TCF23: variants seen among roughly 807,000 people sequenced by gnomAD.
The protein encoded by TCF23 is transcription factor 23.
In TCF23, 7 loss-of-function variants were observed where a neutral mutation model predicts 13.0. That is an observed-to-expected ratio of 0.54 (90% confidence interval 0.31 to 1.01). The LOEUF is 1.01. TCF23 is among the 50% of genes least tolerant of loss of function. The pLI, the probability that TCF23 is intolerant of heterozygous loss-of-function variation, is 0.06. For synonymous variants in TCF23, 122 were observed against 119.5 expected (o/e 1.02, Z -0.14); for missense variants, 257 against 289.8 (o/e 0.89, Z 0.82).
At position 27,150,177 on chromosome 2, in the gene TCF23, C is replaced by A. The variant is rs1053368647; in HGVS notation, c.277C>A (p.Arg93Ser). The A allele has an allele frequency of 1.2e-6, 2 of 1,611,768 alleles. No individual in the cohort carries two copies. Among genetic ancestry groups the A allele is most frequent in the East Asian group, 2.2e-5 (1 of 44,862 alleles). ...GGAGCGGAGCCGGGTCAGGACGCTGCGCCAGGCCTTCTTGGCCTTGCAGGC... is the reference window on the plus strand; with the variant it reads ...GGAGCGGAGCCGGGTCAGGACGCTGAGCCAGGCCTTCTTGGCCTTGCAGGC... ...ARERSRVRTL[R>S]QAFLALQAAL... Residue 93 changes from arginine to serine, a missense_variant, in exon 2 of 3, where the codon CGC becomes AGC. By Grantham distance (110) the Arg-to-Ser change is moderately radical (BLOSUM62 -1). Transcript: ENST00000296096. The surrounding 1 kb of genome is among the most constrained non-coding windows in gnomAD (Gnocchi z 4.1).
Position 27,152,882 on chromosome 2 carries a change from C to T in TCF23, c.*15C>T. 6.2e-7 allele frequency: 1 copy of T among 1,609,796 alleles called. No homozygotes were observed. The highest frequency in any genetic ancestry group is 8.5e-7 in the Non-Finnish European group (1 of 1,177,342). On this transcript the variant is annotated 3_prime_UTR_variant, in exon 3 of 3. Coordinates refer to ENST00000296096, the MANE Select transcript of TCF23 (RefSeq NM_175769.3). Reference sequence around the variant, plus strand: ...GTGACAAATAATTATCACACTCGCCCTTTTCTCCTAGACTGTGACTCATGC... The same window carrying T: ...GTGACAAATAATTATCACACTCGCCTTTTTCTCCTAGACTGTGACTCATGC...
In TCF23 at chr2:27,155,755, G is replaced by GA. The variant is rs920974857; in HGVS notation, c.*2897dup. ...CCCATCTCGGGAAAAAAAAATGAAA[G>GA]AAAAAAAAAGAAAAGAAAAGAAATA... On this transcript the variant is annotated 3_prime_UTR_variant, in exon 3 of 3. Coordinates refer to ENST00000296096, the MANE Select transcript of TCF23 (RefSeq NM_175769.3). The GA allele has an allele frequency of 9.4e-5, 14 of 149,576 alleles. No homozygotes were observed. The highest frequency in any genetic ancestry group is 2.0e-4 in the East Asian group (1 of 5,094). The allele number at this position is 149,576 out of a possible 1,614,324, so 9.3% of individuals were successfully genotyped here. A position where few individuals can be genotyped will look rare whatever the true frequency, so the allele number is the denominator to read the frequency against.
rs1344330481 is a variant in TCF23, at chr2:27,154,074, T to A, written c.*1207T>A. On this transcript the variant is annotated 3_prime_UTR_variant, in exon 3 of 3. Coordinates refer to ENST00000296096, the MANE Select transcript of TCF23 (RefSeq NM_175769.3). Reference sequence around the variant, plus strand: ...TTATTTCTATAGTCTATTAGCTCCCTAGGGCCGGCTCCGCCTCATGGAGAT... The same window carrying A: ...TTATTTCTATAGTCTATTAGCTCCCAAGGGCCGGCTCCGCCTCATGGAGAT... 1 of 152,230 alleles carries A rather than the reference T, an allele frequency of 6.6e-6. No homozygotes were observed. The highest frequency in any genetic ancestry group is 1.5e-5 in the Non-Finnish European group (1 of 68,036). 9.4% of individuals were successfully genotyped at this position (152,230 alleles called of 1,614,324 possible).
rs1405583181 is a variant in TCF23 at position 27,154,379 on chromosome 2, T to C, written c.*1512T>C. 2.6e-5 allele frequency: 4 copies of C among 152,080 alleles called. No homozygotes were observed. The highest frequency in any genetic ancestry group is 9.7e-5 in the African/African-American group (4 of 41,368). 9.4% of individuals were successfully genotyped at this position (152,080 alleles called of 1,614,324 possible). A position where few individuals can be genotyped will look rare whatever the true frequency, so the allele number is the denominator to read the frequency against. On this transcript the variant is annotated 3_prime_UTR_variant, in exon 3 of 3. Transcript: ENST00000296096. Reference sequence around the variant, plus strand: ...AAGGTTATCCTTAGACACACACCATTGTTGTTATCATGAATGTAAGTGAGC... The same window carrying C: ...AAGGTTATCCTTAGACACACACCATCGTTGTTATCATGAATGTAAGTGAGC...
In TCF23 at chr2:27,156,739, A is replaced by T. The variant is rs1156663707; in HGVS notation, c.*3872A>T. On this transcript the variant is annotated 3_prime_UTR_variant, in exon 3 of 3. Transcript: ENST00000296096. ...GACACTGGATTTTACCAAATTGGGA[A>T]CTAGAGAAGTAGAGGATCTAGCCTT... The T allele has an allele frequency of 6.6e-6, 1 of 152,232 alleles. No homozygotes were observed. The highest frequency in any genetic ancestry group is 1.5e-5 in the Non-Finnish European group (1 of 68,060). 9.4% of individuals were successfully genotyped at this position (152,232 alleles called of 1,614,324 possible). A position where few individuals can be genotyped will look rare whatever the true frequency, so the allele number is the denominator to read the frequency against.
At chr2:27,149,555 A>T (rs1672728232) in intron 1 of TCF23, among the ~76,000 whole-genome samples, 200 bp downstream of exon 1, 1 of 152,314 alleles carries the variant, frequency 6.6e-6, no homozygotes, top group South Asian at 2.1e-4. Flanking sequence ...AGTGCAGCTC[A>T]GAGAGCTGCA....
intron 2 of TCF23, among the ~76,000 whole-genome samples, chr2:27,151,351 T>C (rs1048342386): frequency 1.3e-5 from 2 of 152,162 alleles, no homozygotes; most frequent in African/African-American, 4.8e-5. Context: ...TATTATTTTT[T>C]TGAGACAGAG....
At position 27,152,729 on chromosome 2, in the gene TCF23, G is replaced by T; in HGVS notation, c.507G>T (p.Gly169=). 6.2e-7 allele frequency: 1 copy of T among 1,614,082 alleles called. No individual in the cohort carries two copies. Among genetic ancestry groups the T allele is most frequent in the Non-Finnish European group, 8.5e-7 (1 of 1,180,000 alleles). The change falls in exon 3 of 3, where the codon GGG becomes GGT. Residue 169 remains glycine (G), a synonymous_variant. Transcript: ENST00000296096. The stretch of plus-strand genomic sequence containing the variant: ...CTCGTCTCTATGCTGGAGGCCTGGG[G>T]TACTCCGATCTTGACTCCACCACAG... ...MRSRLYAGGL[G]YSDLDSTTAS...
At position 27,154,213 on chromosome 2, in the gene TCF23, T is replaced by C. The variant is rs368097329; in HGVS notation, c.*1346T>C. The stretch of plus-strand genomic sequence containing the variant: ...TAACTTGAGGACTAATCATAGAATC[T>C]ACACACACTGAAAATAACTTTCCAG... On this transcript the variant is annotated 3_prime_UTR_variant, in exon 3 of 3. Coordinates refer to ENST00000296096, the MANE Select transcript of TCF23 (RefSeq NM_175769.3). 2.0e-5 allele frequency: 3 copies of C among 152,340 alleles called. No homozygotes were observed. Among genetic ancestry groups the C allele is most frequent in the East Asian group, 3.9e-4 (2 of 5,190 alleles). The allele number at this position is 152,340 out of a possible 1,614,324, so 9.4% of individuals were successfully genotyped here. A position where few individuals can be genotyped will look rare whatever the true frequency, so the allele number is the denominator to read the frequency against.
chr2:27,149,089 G>C lies in TCF23; in HGVS notation c.-45G>C, dbSNP rs539952561. 5.9e-6 allele frequency: 9 copies of C among 1,528,044 alleles called. No homozygotes were observed. The African/African-American group carries it at 1.2e-4, about 21-fold the overall frequency. 94.7% of individuals were successfully genotyped at this position (1,528,044 alleles called of 1,614,324 possible). On this transcript the variant is annotated 5_prime_UTR_variant, in exon 1 of 3. Transcript: ENST00000296096. ...CTAGCTTGAGTCCAAGGCCTCCTCA[G>C]GCACTGTGTTTCTGCTCTGTGGGCT...
In TCF23 at chr2:27,150,242, G is replaced by A. The variant is rs1342676899; in HGVS notation, c.342G>A (p.Lys114=). The A allele has an allele frequency of 1.2e-6, 2 of 1,613,634 alleles. No individual in the cohort carries two copies. The highest frequency in any genetic ancestry group is 2.2e-5 in the East Asian group (1 of 44,876). ...PAVPPDTKLS[K]LDVLVLAASY... ...TGCCGCCCGACACCAAGCTCTCCAAGTTGGACGTGCTGGTGCTCGCCGCCA... is the reference window on the plus strand; with the variant it reads ...TGCCGCCCGACACCAAGCTCTCCAAATTGGACGTGCTGGTGCTCGCCGCCA... The change falls in exon 2 of 3, where the codon AAG becomes AAA. Residue 114 remains lysine (K), a synonymous_variant. Transcript: ENST00000296096. This position sits in a 1 kb window ranked among gnomAD's most constrained non-coding sequence, Gnocchi z 4.1.
intron 1 of TCF23, chr2:27,149,826 G>A: frequency 1.5e-6 from 1 of 681,328 alleles, no homozygotes; most frequent in Admixed American, 2.1e-5. Context: ...ATTGGGCATG[G>A]GACAGGACAA....
At position 27,155,562 on chromosome 2, in the gene TCF23, A is replaced by AC. The variant is rs528526803; in HGVS notation, c.*2699dup. The AC allele has an allele frequency of 6.6e-6, 1 of 151,962 alleles. No homozygotes were observed. Among genetic ancestry groups the AC allele is most frequent in the Non-Finnish European group, 1.5e-5 (1 of 68,006 alleles). The allele number at this position is 151,962 out of a possible 1,614,324, so 9.4% of individuals were successfully genotyped here. On this transcript the variant is annotated 3_prime_UTR_variant, in exon 3 of 3. Transcript: ENST00000296096. ...AGACCAGCCTCGCCAACATGATGAAACCCCTTCTTTACTAAAAATACAAAA... is the reference window on the plus strand; with the variant it reads ...AGACCAGCCTCGCCAACATGATGAAACCCCCTTCTTTACTAAAAATACAAAA...
At position 27,154,340 on chromosome 2, in the gene TCF23, A is replaced by G. The variant is rs1205376766; in HGVS notation, c.*1473A>G. The G allele has an allele frequency of 2.0e-5, 3 of 152,204 alleles. No homozygotes were observed. The highest frequency in any genetic ancestry group is 2.9e-5 in the Non-Finnish European group (2 of 68,028). The allele number at this position is 152,204 out of a possible 1,614,324, so 9.4% of individuals were successfully genotyped here. A position where few individuals can be genotyped will look rare whatever the true frequency, so the allele number is the denominator to read the frequency against. On this transcript the variant is annotated 3_prime_UTR_variant, in exon 3 of 3. Transcript: ENST00000296096. ...GAGTGGGAGGGGACGGGCATGACCA[A>G]CTAGAGTCCCAACAAGGTTATCCTT...
chr2:27,153,117 GGAGA>G lies in TCF23; in HGVS notation c.*253_*256del. On this transcript the variant is annotated 3_prime_UTR_variant, in exon 3 of 3. Transcript: ENST00000296096. ...CTTCTGTGACAGCTACTGGGAAGTGGGAGAGAAAGAGGTATAATTGGGCTCAAAG... is the reference window on the plus strand; with the variant it reads ...CTTCTGTGACAGCTACTGGGAAGTGGGAAAGAGGTATAATTGGGCTCAAAG... 1 of 838,756 alleles carries G rather than the reference GGAGA, an allele frequency of 1.2e-6. No individual in the cohort carries two copies. Among genetic ancestry groups the G allele is most frequent in the Non-Finnish European group, 1.6e-6 (1 of 616,574 alleles). 52.0% of individuals were successfully genotyped at this position (838,756 alleles called of 1,614,324 possible). A position where few individuals can be genotyped will look rare whatever the true frequency, so the allele number is the denominator to read the frequency against.
Position 27,150,429 on chromosome 2 carries a change from T to C in TCF23, c.465+64T>C. 3 of 1,584,268 alleles carry C rather than the reference T, an allele frequency of 1.9e-6. No homozygotes were observed. In the South Asian group the frequency reaches 3.4e-5, roughly 18 times the overall value. ...ATGCCCAGGGCCTTGGAGAAAGGGA[T>C]TGGAATGAGGGGGGACATTGGACTT... On this transcript the variant is annotated intron_variant, in intron 2 of 2. Coordinates refer to ENST00000296096, the MANE Select transcript of TCF23 (RefSeq NM_175769.3). The surrounding 1 kb of genome is among the most constrained non-coding windows in gnomAD (Gnocchi z 4.1).
In TCF23 at chr2:27,149,080, G is replaced by A. The variant is rs1672716608; in HGVS notation, c.-54G>A. 2 of 1,501,618 alleles carry A rather than the reference G, an allele frequency of 1.3e-6. 1 individual carries two copies. Among genetic ancestry groups the A allele is most frequent in the South Asian group, 2.5e-5 (2 of 80,900 alleles). 93.0% of individuals were successfully genotyped at this position (1,501,618 alleles called of 1,614,324 possible). ...CACAGCCAGCTAGCTTGAGTCCAAG[G>A]CCTCCTCAGGCACTGTGTTTCTGCT... On this transcript the variant is annotated 5_prime_UTR_variant, in exon 1 of 3. Transcript: ENST00000296096.
rs375566527 is a variant in TCF23, at chr2:27,152,736, G to A, written c.514G>A (p.Asp172Asn). Residue 172 changes from aspartate to asparagine, a missense_variant, in exon 3 of 3, where the codon GAT becomes AAT. Transcript: ENST00000296096. ...CTATGCTGGAGGCCTGGGGTACTCC[G>A]ATCTTGACTCCACCACAGCCAGCAC... is the stretch of plus-strand genomic sequence containing the variant. ...RLYAGGLGYS[D>N]LDSTTASTPS... The A allele has an allele frequency of 2.5e-5, 40 of 1,613,986 alleles. No individual in the cohort carries two copies. The highest frequency in any genetic ancestry group is 5.0e-5 in the Admixed American group (3 of 59,992).
At position 27,153,011 on chromosome 2, in the gene TCF23, C is replaced by A. The variant is rs1672784034; in HGVS notation, c.*144C>A. On this transcript the variant is annotated 3_prime_UTR_variant, in exon 3 of 3. Transcript: ENST00000296096. Reference sequence around the variant, plus strand: ...ATGCAGACCAAGAGAAGCAGTAGCACTTCTGTGATGGACAGTACCTAGAGG... The same window carrying A: ...ATGCAGACCAAGAGAAGCAGTAGCAATTCTGTGATGGACAGTACCTAGAGG... 6.7e-7 allele frequency: 1 copy of A among 1,488,232 alleles called. No homozygotes were observed. The highest frequency in any genetic ancestry group is 1.4e-5 in the African/African-American group (1 of 71,678). The allele number at this position is 1,488,232 out of a possible 1,614,324, so 92.2% of individuals were successfully genotyped here. A position where few individuals can be genotyped will look rare whatever the true frequency, so the allele number is the denominator to read the frequency against.
Sources: allele counts gnomAD v4.1 joint callset (sites outside exome capture counted in the v4.1 genomes callset), GRCh38; gene constraint gnomAD v4.1.1; non-coding constraint Gnocchi (gnomAD v3.1); transcripts MANE v1.5; gene names NCBI Gene and HGNC (gene_info 2026-07-23, HGNC 2026-07-21).